Variants in HIVEP3 observed in about 807,000 individuals in gnomAD.
The protein encoded by HIVEP3 is HIVEP zinc finger 3.
In HIVEP3, 49 loss-of-function variants were observed where a neutral mutation model predicts 152.8. The observed-to-expected ratio is 0.32, with a 90% CI of 0.26 to 0.41. The LOEUF is 0.41. HIVEP3 is among the 10% of genes least tolerant of loss of function. The probability of loss-of-function intolerance (pLI) is 1.00; values close to 1 mark genes in which losing one functional copy is unlikely to be tolerated. For synonymous variants in HIVEP3, 1,269 were observed against 1,289.0 expected (o/e 0.98, Z 0.33); for missense variants, 2,790 against 3,103.3 (o/e 0.90, Z 2.40).
chr1:41,653,970 A>C (rs574011147), intron 2 of HIVEP3, among the ~76,000 whole-genome samples: 126 of 151,146 alleles, frequency 8.3e-4, no homozygotes, highest in African/African-American at 2.7e-3. Flanking sequence ...AAAAAAAAAA[A>C]AAAAAAAAAA....
intron 1 of HIVEP3, among the ~76,000 whole-genome samples, chr1:41,793,991 A>G (rs769607738): frequency 2.0e-5 from 3 of 152,220 alleles, no homozygotes; most frequent in Admixed American, 1.3e-4. Flanking sequence ...GTGTATTTAG[A>G]TTGTCTCCAG....
rs1402931630 is a variant in HIVEP3 at position 41,580,568 on chromosome 1, C to T, written c.4230G>A (p.Leu1410=). ...CCAGGCTCAAGATACTCTCTGATGACAGGGAAGTGCCTTTTCTTTCAGGTA... is the reference window on the plus strand; with the variant it reads ...CCAGGCTCAAGATACTCTCTGATGATAGGGAAGTGCCTTTTCTTTCAGGTA... ...VTLPERKGTS[L]SSESILSLEG... The change falls in exon 4 of 9, where the codon CTG becomes CTA. Residue 1410 remains leucine (L), a synonymous_variant. Coordinates refer to ENST00000372583, the MANE Select transcript of HIVEP3 (RefSeq NM_024503.5). The T allele has an allele frequency of 1.9e-6, 3 of 1,614,120 alleles. No individual in the cohort carries two copies. The highest frequency in any genetic ancestry group is 3.3e-5 in the Admixed American group (2 of 60,010).
At chr1:41,879,513 G>T (rs1644227973) in intron 1 of HIVEP3, among the ~76,000 whole-genome samples, 1 of 152,164 alleles carries the variant, frequency 6.6e-6, no homozygotes, top group African/African-American at 2.4e-5. Flanking sequence ...GCCAATTAAA[G>T]CCAATTCTGC....
intron 1 of HIVEP3, among the ~76,000 whole-genome samples, chr1:41,809,300 T>G (rs1328878362): frequency 2.0e-5 from 3 of 152,206 alleles, no homozygotes; most frequent in African/African-American, 7.2e-5. Context: ...CTTTTTATAT[T>G]GATAAGAGAG....
intron 1 of HIVEP3, among the ~76,000 whole-genome samples, chr1:42,030,075 GGAAAAGTCACCCTGT>G (rs1645604882): frequency 6.6e-6 from 1 of 152,110 alleles, no homozygotes; most frequent in Admixed American, 6.5e-5. Context: ...TGCTTTCTGG[GGAAAAGTCACCCTGT>G]GAAGAAGCCA....
At chr1:41,829,695 T>C (rs1642906807) in intron 1 of HIVEP3, among the ~76,000 whole-genome samples, 1 of 151,882 alleles carries the variant, frequency 6.6e-6, no homozygotes, top group South Asian at 2.1e-4. Context: ...CTATGAAATA[T>C]ATTCATATAC....
chr1:41,932,901 T>A (rs1205399613), intron 1 of HIVEP3, among the ~76,000 whole-genome samples: 1 of 151,912 alleles, frequency 6.6e-6, no homozygotes, highest in Admixed American at 6.6e-5. Flanking sequence ...CAAAACGCTT[T>A]TTTAATTGCC....
At chr1:41,858,762 G>A (rs1643839735) in intron 1 of HIVEP3, among the ~76,000 whole-genome samples, 1 of 152,248 alleles carries the variant, frequency 6.6e-6, no homozygotes, top group South Asian at 2.1e-4. Flanking sequence ...TTAAGTGATG[G>A]AGAATGTCTA....
intron 1 of HIVEP3, among the ~76,000 whole-genome samples, chr1:41,723,841 C>CTG (rs1452885876): frequency 2.6e-5 from 4 of 152,152 alleles, no homozygotes; most frequent in Admixed American, 1.3e-4. Context: ...AGGGTTAGCA[C>CTG]TTTCATAGGT....
upstream of HIVEP3, among the ~76,000 whole-genome samples, chr1:41,923,266 A>T (rs189849394): frequency 2.2e-3 from 337 of 152,366 alleles, 1 homozygote; most frequent in African/African-American, 7.7e-3. Context: ...AAAAAATATA[A>T]GTTTTACCTC....
chr1:41,949,939 C>A (rs961231786), intron 1 of HIVEP3, among the ~76,000 whole-genome samples: 9 of 152,098 alleles, frequency 5.9e-5, no homozygotes, highest in African/African-American at 1.9e-4. Context: ...GCAGTTAGAG[C>A]GGTCATCGGC....
At chr1:41,775,092 C>T (rs1028053453) in intron 1 of HIVEP3, among the ~76,000 whole-genome samples, 6 of 152,112 alleles carry the variant, frequency 3.9e-5, no homozygotes, top group African/African-American at 1.4e-4. Context: ...CGTGACCCAC[C>T]GCACCCAGCC....
At chr1:41,822,893 A>G (rs1405565696) in intron 1 of HIVEP3, among the ~76,000 whole-genome samples, 1 of 152,146 alleles carries the variant, frequency 6.6e-6, no homozygotes, top group Non-Finnish European at 1.5e-5. Context: ...TGTTCTTTTT[A>G]CTACCTTTTG....
At position 41,581,525 on chromosome 1, in the gene HIVEP3, C is replaced by G; in HGVS notation, c.3273G>C (p.Ala1091=). Residue 1091 remains alanine, a synonymous_variant, in exon 4 of 9, where the codon GCG becomes GCC. Coordinates refer to ENST00000372583, the MANE Select transcript of HIVEP3 (RefSeq NM_024503.5). This position sits in a 1 kb window ranked among gnomAD's most constrained non-coding sequence, Gnocchi z 4.5. ...CCGGGGGTCCACCATGTGAGGTGGC[C>G]GCAGAGGAAATCTGGGACAATGAGC... is the stretch of plus-strand genomic sequence containing the variant. The part of the protein sequence containing the change: ...AKSSLSQISS[A]ATSHGGPPGG... 1.9e-6 allele frequency: 3 copies of G among 1,590,206 alleles called. No individual in the cohort carries two copies. Among genetic ancestry groups the G allele is most frequent in the Non-Finnish European group, 2.6e-6 (3 of 1,168,448 alleles).
chr1:41,868,255 C>G (rs1489160374), intron 1 of HIVEP3, among the ~76,000 whole-genome samples: 2 of 149,346 alleles, frequency 1.3e-5, no homozygotes, highest in African/African-American at 4.9e-5. Flanking sequence ...CAAATAGAGT[C>G]TGACTTCAGT....
intron 1 of HIVEP3, among the ~76,000 whole-genome samples, chr1:41,896,638 G>A (rs184563664): frequency 8.0e-5 from 12 of 150,394 alleles, no homozygotes; most frequent in South Asian, 2.1e-4. Flanking sequence ...GCAATGGTGC[G>A]ATCTCGGGTC....
chr1:41,563,303 T>G (rs1215011424), intron 5 of HIVEP3, among the ~76,000 whole-genome samples: 1 of 151,596 alleles, frequency 6.6e-6, no homozygotes, highest in Admixed American at 6.6e-5. Context: ...GCTGTGATCA[T>G]GCCACTGCAC....
At chr1:41,720,737 T>C (rs1646662393) in intron 1 of HIVEP3, among the ~76,000 whole-genome samples, 1 of 152,252 alleles carries the variant, frequency 6.6e-6, no homozygotes, top group Non-Finnish European at 1.5e-5. Context: ...CTCAAAGAGA[T>C]ATTTGCACTC....
intron 1 of HIVEP3, among the ~76,000 whole-genome samples, chr1:41,984,516 C>T (rs1218910888): frequency 5.3e-5 from 8 of 152,140 alleles, no homozygotes; most frequent in Non-Finnish European, 8.8e-5. Flanking sequence ...AATATCCAGA[C>T]GTGGAATGCA....
Sources: gnomAD v4.1 joint callset for allele counts (sites outside exome capture counted in the v4.1 genomes callset) on GRCh38, gnomAD v4.1.1 for gene constraint, Gnocchi (gnomAD v3.1) non-coding constraint, MANE v1.5 for transcripts, NCBI Gene and HGNC (gene_info 2026-07-23, HGNC 2026-07-21) for gene names.